DNTT: variants seen among roughly 807,000 people sequenced by gnomAD.
DNTT encodes the protein DNA nucleotidylexotransferase.
Under a neutral mutation model 60.9 loss-of-function variants are expected in DNTT, and 47 were observed. That is an observed-to-expected ratio of 0.77 (90% confidence interval 0.61 to 0.98). The LOEUF is 0.98. DNTT is among the 50% of genes least tolerant of loss of function. DNTT has a pLI of 0.00. For synonymous variants in DNTT, 224 were observed against 221.2 expected, an observed-to-expected ratio of 1.01 and a Z score of -0.11; for missense variants, 665 against 627.5, an observed-to-expected ratio of 1.06 and a Z score of -0.64.
At chr10:96,334,860 C>CA (rs1845048948) in intron 9 of DNTT, among the ~76,000 whole-genome samples, 1 of 152,178 alleles carries the variant, frequency 6.6e-6, no homozygotes, top group African/African-American at 2.4e-5. Context: ...AAGTGGTTGA[C>CA]ATTTGCCCAT....
intron 6 of DNTT, among the ~76,000 whole-genome samples, chr10:96,325,267 T>C (rs1365981477): frequency 6.6e-6 from 1 of 152,202 alleles, no homozygotes; most frequent in African/African-American, 2.4e-5. Context: ...GAAAGATTGC[T>C]AATAATACAA....
At chr10:96,329,244 G>A (rs749318775) in intron 8 of DNTT, among the ~76,000 whole-genome samples, 6 of 152,234 alleles carry the variant, frequency 3.9e-5, no homozygotes, top group Non-Finnish European at 8.8e-5. Context: ...ATAGTGCCTC[G>A]ATAGATTCGA....
chr10:96,306,033 A>G (rs1310408937), intron 1 of DNTT, among the ~76,000 whole-genome samples: 1 of 152,180 alleles, frequency 6.6e-6, no homozygotes, highest in Non-Finnish European at 1.5e-5. Flanking sequence ...AGACTTACAT[A>G]GAAGGCTAGA....
At chr10:96,309,701 C>A (rs887130884) in intron 1 of DNTT, among the ~76,000 whole-genome samples, 3 of 152,106 alleles carry the variant, frequency 2.0e-5, no homozygotes, top group Non-Finnish European at 2.9e-5. Context: ...TTGGTAAAGA[C>A]TCTCTCCTTG....
At chr10:96,319,212 G>A (rs1589372187) in intron 2 of DNTT, 50 bp from the exon 3 acceptor site, 1 of 1,600,288 alleles carries the variant, frequency 6.2e-7, no homozygotes, top group East Asian at 2.2e-5. Context: ...GTACATATCT[G>A]TTATTACTAT....
chr10:96,332,264 C>A, intron 8 of DNTT, 87 bp from the exon 9 acceptor site: 1 of 1,544,008 alleles, frequency 6.5e-7, no homozygotes. Flanking sequence ...CTGCTCGAAT[C>A]TGAAAAGATT....
intron 10 of DNTT, among the ~76,000 whole-genome samples, chr10:96,336,911 C>T (rs1845078753): frequency 7.3e-6 from 1 of 136,216 alleles, no homozygotes; most frequent in South Asian, 2.3e-4. Context: ...GCACTCCAGC[C>T]TGGGCAACAG....
intron 9 of DNTT, among the ~76,000 whole-genome samples, chr10:96,334,650 C>T (rs1395113340): frequency 1.3e-5 from 2 of 152,186 alleles, no homozygotes; most frequent in Non-Finnish European, 2.9e-5. Flanking sequence ...GGATTTCTTA[C>T]TCTAATCACA....
chr10:96,308,385 G>A (rs570202136), intron 1 of DNTT, among the ~76,000 whole-genome samples: 1 of 152,230 alleles, frequency 6.6e-6, no homozygotes, highest in Admixed American at 6.5e-5. Context: ...AAACCCTTGA[G>A]GCATTTTTGC....
At chr10:96,307,166 C>A (rs915908105) in intron 1 of DNTT, among the ~76,000 whole-genome samples, 1 of 152,084 alleles carries the variant, frequency 6.6e-6, no homozygotes, top group East Asian at 1.9e-4. Context: ...GATCCATTGA[C>A]CTTTACAGCA....
At chr10:96,336,807 C>T (rs903460572) in intron 10 of DNTT, among the ~76,000 whole-genome samples, 8 of 151,554 alleles carry the variant, frequency 5.3e-5, no homozygotes, top group Non-Finnish European at 4.4e-5. Context: ...CCAGGTGTGG[C>T]GGCTCGCACA....
chr10:96,318,191 A>T (rs949493088), intron 1 of DNTT, among the ~76,000 whole-genome samples, 161 bp from the exon 2 acceptor site: 8 of 152,216 alleles, frequency 5.3e-5, no homozygotes, highest in African/African-American at 1.9e-4. Context: ...ATTAATGTAG[A>T]GAGAATTCCC....
intron 1 of DNTT, among the ~76,000 whole-genome samples, chr10:96,317,167 T>C (rs1447212790): frequency 6.6e-6 from 1 of 152,222 alleles, no homozygotes; most frequent in African/African-American, 2.4e-5. Context: ...TGTGAAGACT[T>C]ATTAAAAACT....
At chr10:96,319,425 G>T (rs565368944) in intron 3 of DNTT, 35 bp downstream of exon 3, 5 of 1,609,216 alleles carry the variant, frequency 3.1e-6, no homozygotes, top group Non-Finnish European at 4.2e-6. Flanking sequence ...CAGGGCAAAC[G>T]AAGGGCTTGC....
chr10:96,317,937 A>G (rs2133987154), intron 1 of DNTT, among the ~76,000 whole-genome samples: 1 of 152,320 alleles, frequency 6.6e-6, no homozygotes. Flanking sequence ...ATAATATAAA[A>G]CGTATTTCTA....
intron 7 of DNTT, 61 bp downstream of exon 7, chr10:96,327,661 G>C: frequency 1.3e-6 from 2 of 1,560,244 alleles, no homozygotes; most frequent in East Asian, 2.2e-5. Flanking sequence ...CCCTGACTTG[G>C]ACAGGCATCT....
intron 1 of DNTT, among the ~76,000 whole-genome samples, chr10:96,314,585 T>C (rs1199147040): frequency 6.7e-6 from 1 of 149,728 alleles, no homozygotes; most frequent in East Asian, 1.9e-4. Context: ...GCTAATTTTT[T>C]GTATTTTTAG....
intron 4 of DNTT, among the ~76,000 whole-genome samples, chr10:96,321,848 G>T (rs1171857863): frequency 6.6e-6 from 1 of 152,156 alleles, no homozygotes; most frequent in Non-Finnish European, 1.5e-5. Context: ...AATAGATACA[G>T]ACGTGTTATT....
rs1198251642 is a variant in DNTT at position 96,322,671 on chromosome 10, T to C, written c.693T>C (p.Asp231=). 3 of 1,603,138 alleles carry C rather than the reference T, an allele frequency of 1.9e-6. No homozygotes were observed. Among genetic ancestry groups the C allele is most frequent in the Non-Finnish European group, 2.6e-6 (3 of 1,171,872 alleles). Residue 231 remains aspartate (D), a synonymous_variant, in exon 5 of 11, where the codon GAT becomes GAC. Transcript: ENST00000371174. ...CTGTCCATTAGGAGATTATTGAAGA[T>C]GGAGAAAGTTCTGAAGTTAAAGCTG... ...VKGIIEEIIE[D]GESSEVKAVL...
Sources: allele counts gnomAD v4.1 joint callset (sites outside exome capture counted in the v4.1 genomes callset), GRCh38; gene constraint gnomAD v4.1.1; transcripts MANE v1.5; gene names NCBI Gene and HGNC (gene_info 2026-07-23, HGNC 2026-07-21).